SLC24A2: variants seen among roughly 807,000 people sequenced by gnomAD.
The protein encoded by SLC24A2 is sodium/potassium/calcium exchanger 2.
Under a neutral mutation model 62.0 loss-of-function variants are expected in SLC24A2, and 36 were observed. That is an observed-to-expected ratio of 0.58 (90% CI 0.44 to 0.77). The LOEUF (loss-of-function observed/expected upper bound fraction) is 0.77, where lower values mean the gene tolerates loss of function less well. Among genes scored for constraint, SLC24A2 ranks in the 30% least tolerant of loss-of-function variants. The probability of loss-of-function intolerance (pLI) is 0.00; values close to 1 mark genes in which losing one functional copy is unlikely to be tolerated. For missense variants in SLC24A2, 846 were observed against 817.9 expected (o/e 1.03, Z -0.42); for synonymous variants, 358 against 294.0 (o/e 1.22, Z -2.23).
chr9:20,024,450 C>T, the SLC24A2 span, among the ~76,000 whole-genome samples: 1 of 152,190 alleles, frequency 6.6e-6, no homozygotes, highest in African/African-American at 2.4e-5. Context: ...TGGCTTTGGC[C>T]TTCAGCAAGT....
intron 9 of SLC24A2, among the ~76,000 whole-genome samples, chr9:19,521,627 C>G (rs1359421089): frequency 6.6e-6 from 1 of 152,156 alleles, no homozygotes; most frequent in Non-Finnish European, 1.5e-5. Flanking sequence ...GAAGCAAAAT[C>G]CAGAAAATCA....
the SLC24A2 span, among the ~76,000 whole-genome samples, chr9:20,296,174 C>T: frequency 1.6e-4 from 24 of 152,164 alleles, no homozygotes; most frequent in Admixed American, 9.2e-4. Context: ...CTCAGATGGA[C>T]GGCATATACT....
the SLC24A2 span, among the ~76,000 whole-genome samples, chr9:19,829,636 T>C: frequency 6.6e-6 from 1 of 151,396 alleles, no homozygotes; most frequent in South Asian, 2.1e-4. Flanking sequence ...GAGGCTGTGG[T>C]GGGAAGATCA....
upstream of SLC24A2, among the ~76,000 whole-genome samples, chr9:19,789,102 G>T (rs1017594087): frequency 6.6e-6 from 1 of 152,190 alleles, no homozygotes; most frequent in Admixed American, 6.5e-5. Flanking sequence ...CCTCCCTCTG[G>T]GCTGTGCGCT....
chr9:20,303,989 G>A, the SLC24A2 span, among the ~76,000 whole-genome samples: 1 of 152,140 alleles, frequency 6.6e-6, no homozygotes, highest in African/African-American at 2.4e-5. Flanking sequence ...ACCACATAAG[G>A]TGTATCCAAG....
At chr9:20,243,427 A>G in the SLC24A2 span, among the ~76,000 whole-genome samples, 1 of 152,228 alleles carries the variant, frequency 6.6e-6, no homozygotes, top group Non-Finnish European at 1.5e-5. Flanking sequence ...TTTGCAGCAT[A>G]CTAAACAGTA....
At chr9:20,275,137 A>G in the SLC24A2 span, among the ~76,000 whole-genome samples, 2 of 152,190 alleles carry the variant, frequency 1.3e-5, no homozygotes, top group Non-Finnish European at 2.9e-5. Context: ...ACATAACAAC[A>G]GCAAGAAGTT....
intron 8 of SLC24A2, among the ~76,000 whole-genome samples, chr9:19,542,470 T>C (rs772317729): frequency 1.3e-5 from 2 of 152,176 alleles, no homozygotes; most frequent in East Asian, 1.9e-4. Context: ...GAACTTCCAA[T>C]ACTATATTGA....
At chr9:20,076,739 A>G in the SLC24A2 span, among the ~76,000 whole-genome samples, 1 of 151,972 alleles carries the variant, frequency 6.6e-6, no homozygotes, top group African/African-American at 2.4e-5. Context: ...CAGATGGAGA[A>G]AAGTGCCAAA....
chr9:19,645,213 C>T (rs1587087860), intron 2 of SLC24A2, among the ~76,000 whole-genome samples: 2 of 152,276 alleles, frequency 1.3e-5, no homozygotes, highest in Admixed American at 1.3e-4. Context: ...ATTACCTTAG[C>T]TCCAGTATGA....
the SLC24A2 span, among the ~76,000 whole-genome samples, chr9:19,972,594 A>G: frequency 2.0e-5 from 3 of 152,182 alleles, no homozygotes; most frequent in Non-Finnish European, 2.9e-5. Context: ...GATGATACAG[A>G]AATTAAAAGT....
At chr9:19,744,875 C>T (rs1245824157) in intron 2 of SLC24A2, among the ~76,000 whole-genome samples, 5 of 152,168 alleles carry the variant, frequency 3.3e-5, no homozygotes, top group Admixed American at 1.3e-4. Flanking sequence ...TCCACATCCA[C>T]GGTTCTCTCC....
chr9:20,033,515 A>G, the SLC24A2 span, among the ~76,000 whole-genome samples: 1 of 152,236 alleles, frequency 6.6e-6, no homozygotes, highest in African/African-American at 2.4e-5. Context: ...GAGAGTTGAT[A>G]GAAATAATTT....
chr9:20,182,226 G>A, the SLC24A2 span, among the ~76,000 whole-genome samples: 1 of 152,196 alleles, frequency 6.6e-6, no homozygotes, highest in Admixed American at 6.5e-5. Context: ...GATTCCTCGA[G>A]TGATTCCTCA....
At chr9:20,176,473 TA>T in the SLC24A2 span, among the ~76,000 whole-genome samples, 1 of 152,018 alleles carries the variant, frequency 6.6e-6, no homozygotes, top group Admixed American at 6.6e-5. Flanking sequence ...TGGAGAGTAA[TA>T]AAAAACCTTT....
the SLC24A2 span, among the ~76,000 whole-genome samples, chr9:20,076,880 T>TATATATATATATATATATATATAC: frequency 1.0e-4 from 12 of 120,546 alleles, no homozygotes; most frequent in African/African-American, 3.9e-4. Context: ...TATATATATA[T>TATATATATATATATATATATATAC]ACATATCATA....
the SLC24A2 span, among the ~76,000 whole-genome samples, chr9:20,276,172 T>C: frequency 6.6e-6 from 1 of 152,224 alleles, no homozygotes; most frequent in African/African-American, 2.4e-5. Flanking sequence ...AAGTCTCATA[T>C]GAGACAAGCT....
chr9:20,178,014 C>A, the SLC24A2 span, among the ~76,000 whole-genome samples: 1 of 152,070 alleles, frequency 6.6e-6, no homozygotes, highest in Non-Finnish European at 1.5e-5. Flanking sequence ...TATTCAACCT[C>A]ACCATTCTAA....
In SLC24A2 at chr9:19,528,115, G is replaced by C. The variant is rs1295576214; in HGVS notation, c.1503C>G (p.Ile501Met). 6.3e-7 allele frequency: 1 copy of C among 1,594,470 alleles called. No homozygotes were observed. Among genetic ancestry groups the C allele is most frequent in the South Asian group, 1.1e-5 (1 of 87,384 alleles). ...TCCAGGTAATGGAGCCAAAGAACGT[G>C]ATGGGAAAAAACTTCCTCGATGACT... The part of the protein sequence containing the change: ...RKPSSRKFFP[I>M]TFFGSITWIA... The change falls in exon 9 of 11, where the codon ATC (isoleucine) becomes ATG (methionine). Residue 501 changes from isoleucine to methionine, a missense_variant. Coordinates refer to ENST00000341998, the MANE Select transcript of SLC24A2 (RefSeq NM_020344.4).
Sources: allele counts gnomAD v4.1 joint callset (sites outside exome capture counted in the v4.1 genomes callset), GRCh38; gene constraint gnomAD v4.1.1; transcripts MANE v1.5; gene names NCBI Gene and HGNC (gene_info 2026-07-23, HGNC 2026-07-21).